KIF9: variants seen among roughly 807,000 people sequenced by gnomAD.
KIF9 encodes kinesin-like protein KIF9.
KIF9 carries 68 observed loss-of-function variants against 94.8 expected under a neutral mutation model. The observed-to-expected ratio is 0.72, with a 90% CI of 0.59 to 0.88. KIF9 has a LOEUF of 0.88. KIF9 is among the 40% of genes least tolerant of loss of function. The pLI is 0.00. For missense variants in KIF9, 882 were observed against 982.5 expected (o/e 0.90, Z 1.37); for synonymous variants, 343 against 362.1 (o/e 0.95, Z 0.60).
chr3:47,265,787 G>A lies in KIF9; in HGVS notation c.859C>T (p.Arg287Trp), dbSNP rs116834299. 1.6e-5 allele frequency: 26 copies of A among 1,614,166 alleles called. No individual in the cohort carries two copies. In the East Asian group the frequency reaches 2.2e-4, roughly 14 times the overall value. The stretch of plus-strand genomic sequence containing the variant: ...CACTGCCGAAAGGGGATGTGGTCCC[G>A]CTTCTGGTCCCCAAGGGCAATGATG... ...QAIIALGDQK[R>W]DHIPFRQCKL... The change falls in exon 8 of 21, where the codon CGG becomes TGG. Residue 287 changes from arginine to tryptophan, a missense_variant. Arg to Trp is a moderately radical substitution (Grantham distance 101). Coordinates refer to ENST00000684063, the MANE Select transcript of KIF9 (RefSeq NM_182902.4).
chr3:47,258,785 A>G (rs772142404), intron 9 of KIF9, among the ~76,000 whole-genome samples: 3 of 152,194 alleles, frequency 2.0e-5, no homozygotes, highest in Non-Finnish European at 4.4e-5. Flanking sequence ...CAGCCTGTGG[A>G]ACCATGAGCC....
chr3:47,243,484 A>C, intron 15 of KIF9: 1 of 367,634 alleles, frequency 2.7e-6, no homozygotes, highest in Non-Finnish European at 4.9e-6. Context: ...TGGTCTTGGC[A>C]GGAGACGCTT....
intron 10 of KIF9, among the ~76,000 whole-genome samples, chr3:47,257,106 C>T (rs928392686): frequency 6.6e-6 from 1 of 151,950 alleles, no homozygotes; most frequent in African/African-American, 2.4e-5. Flanking sequence ...CCTGCCAAAT[C>T]CCCCTCTGTG....
chr3:47,274,583 T>C lies in KIF9; in HGVS notation c.259+742A>G, dbSNP rs144682946. On this transcript the variant is annotated intron_variant, in intron 3 of 20. Transcript: ENST00000684063. ...AGTTGGAGCCAGAAATGGTGTCTAT[T>C]AACCCAACACAAATGAACAGGAAGG... Among the ~76,000 whole-genome samples the C allele has an allele frequency of 1.3e-3, 199 of 152,354 alleles. 1 individual carries two copies. The highest frequency in any genetic ancestry group is 4.5e-3 in the African/African-American group (186 of 41,578).
At chr3:47,240,753 T>C in intron 17 of KIF9, 48 bp downstream of exon 17, 1 of 1,509,586 alleles carries the variant, frequency 6.6e-7, no homozygotes, top group Non-Finnish European at 9.2e-7. Context: ...TCAACCAGCA[T>C]GACTCTGAGA....
In KIF9 at chr3:47,240,816, G is replaced by C. The variant is rs753908755; in HGVS notation, c.1909C>G (p.Leu637Val). The C allele has an allele frequency of 2.5e-6, 4 of 1,613,792 alleles. No individual in the cohort carries two copies. The highest frequency in any genetic ancestry group is 2.5e-6 in the Non-Finnish European group (3 of 1,179,860). ...ACACATTTACCTTGCTTCTCCCGTA[G>C]TGACTTCTGGAAATTCAGGGCCTCC... The part of the protein sequence containing the change: ...TKEALNFQKS[L>V]REKQGKYENK... Residue 637 changes from leucine to valine, a missense_variant, in exon 17 of 21, where the codon CTA (leucine) becomes GTA (valine). Transcript: ENST00000684063.
intron 17 of KIF9, among the ~76,000 whole-genome samples, chr3:47,238,857 G>A (rs983727042): frequency 1.3e-5 from 2 of 151,992 alleles, no homozygotes; most frequent in Admixed American, 1.3e-4. Context: ...TAGAGACAGG[G>A]TTTCACCGTG....
chr3:47,270,846 TAAGTA>T (rs1478084485), intron 5 of KIF9, among the ~76,000 whole-genome samples: 3 of 151,446 alleles, frequency 2.0e-5, no homozygotes, highest in African/African-American at 7.3e-5. Context: ...ATAATCAAAG[TAAGTA>T]AAAAACTAGC....
intron 9 of KIF9, among the ~76,000 whole-genome samples, chr3:47,258,059 C>T (rs1003367162): frequency 6.6e-6 from 1 of 152,068 alleles, no homozygotes; most frequent in Non-Finnish European, 1.5e-5. Context: ...TTCAGGGTCT[C>T]GATCAGCCAT....
At chr3:47,264,937 G>A (rs764970352) in intron 8 of KIF9, among the ~76,000 whole-genome samples, 14 of 152,348 alleles carry the variant, frequency 9.2e-5, no homozygotes, top group Middle Eastern at 6.8e-3. Flanking sequence ...GAGGATACGC[G>A]AGAAGGTAGC....
At chr3:47,229,805 C>T (rs933022770) in intron 20 of KIF9, among the ~76,000 whole-genome samples, 1 of 151,758 alleles carries the variant, frequency 6.6e-6, no homozygotes, top group Non-Finnish European at 1.5e-5. Flanking sequence ...GCAATCTCGG[C>T]TCACTACAAC....
chr3:47,253,316 G>A (rs978847428), intron 10 of KIF9, among the ~76,000 whole-genome samples: 1 of 151,894 alleles, frequency 6.6e-6, no homozygotes, highest in African/African-American at 2.4e-5. Context: ...CCACTACACT[G>A]AGCTAATTTT....
intron 9 of KIF9, among the ~76,000 whole-genome samples, chr3:47,262,962 A>G (rs1456875525): frequency 6.6e-6 from 1 of 151,850 alleles, no homozygotes; most frequent in African/African-American, 2.4e-5. Context: ...GCAGTGGTGC[A>G]ATCTCAGCTC....
chr3:47,259,073 C>G (rs963032806), intron 9 of KIF9, among the ~76,000 whole-genome samples: 1 of 152,168 alleles, frequency 6.6e-6, no homozygotes, highest in Non-Finnish European at 1.5e-5. Context: ...GCTCAGGCCC[C>G]CTGATGAATA....
chr3:47,243,325 C>T (rs1699708435), intron 15 of KIF9, 80 bp from the exon 16 acceptor site: 2 of 1,186,444 alleles, frequency 1.7e-6, no homozygotes, highest in South Asian at 3.4e-5. Flanking sequence ...CCTTTCTCAG[C>T]ACTGACTACA....
intron 17 of KIF9, chr3:47,239,637 G>A: frequency 9.5e-7 from 1 of 1,047,230 alleles, no homozygotes; most frequent in Admixed American, 4.0e-5. Context: ...ACCCAGACTG[G>A]AGTGCAGTGG....
At chr3:47,253,873 A>G (rs1013443002) in intron 10 of KIF9, among the ~76,000 whole-genome samples, 1 of 152,240 alleles carries the variant, frequency 6.6e-6, no homozygotes, top group Non-Finnish European at 1.5e-5. Flanking sequence ...CAATAAGTCT[A>G]TAAAGAGACT....
intron 10 of KIF9, among the ~76,000 whole-genome samples, chr3:47,248,857 C>T (rs1454181976): frequency 1.3e-5 from 2 of 151,932 alleles, no homozygotes; most frequent in African/African-American, 4.8e-5. Context: ...AATCCTCTCA[C>T]CTCAGCCTCC....
intron 17 of KIF9, among the ~76,000 whole-genome samples, chr3:47,236,968 T>C (rs1575932989): frequency 6.6e-6 from 1 of 152,364 alleles, no homozygotes; most frequent in East Asian, 1.9e-4. Flanking sequence ...ATGTCTATTT[T>C]TCTTGTAAAT....
Sources: gnomAD v4.1 joint callset for allele counts (sites outside exome capture counted in the v4.1 genomes callset) on GRCh38, gnomAD v4.1.1 for gene constraint, MANE v1.5 for transcripts, NCBI Gene and HGNC (gene_info 2026-07-23, HGNC 2026-07-21) for gene names.